The following PLCB3 variants were observed in gnomAD, a reference collection of about 807,000 sequenced individuals.
PLCB3 encodes phospholipase C beta 3.
PLCB3 carries 54 observed loss-of-function variants against 152.1 expected under a neutral mutation model. The observed-to-expected ratio is 0.36, with a 90% CI of 0.29 to 0.45. PLCB3 has a LOEUF of 0.45. Among genes scored for constraint, PLCB3 ranks in the 20% least tolerant of loss-of-function variants. PLCB3 has a pLI of 1.00. For synonymous variants in PLCB3, 717 were observed against 698.7 expected, an observed-to-expected ratio of 1.03 and a Z score of -0.41; for missense variants, 1,248 against 1,687.5, an observed-to-expected ratio of 0.74 and a Z score of 4.56.
downstream of PLCB3, chr11:64,268,832 CTTCTT>C (rs2032275734): frequency 6.6e-6 from 1 of 152,312 alleles, no homozygotes; most frequent in African/African-American, 2.4e-5. Flanking sequence ...AATTGAGTAT[CTTCTT>C]TGCTTTGTTT....
At chr11:64,265,573 T>C (rs1372688636) in intron 25 of PLCB3, 71 bp downstream of exon 25, 22 of 1,500,706 alleles carry the variant, frequency 1.5e-5, no homozygotes, top group Non-Finnish European at 2.0e-5. Flanking sequence ...TCGGTGGGCA[T>C]GGAGAGATGG....
Position 64,267,780 on chromosome 11 carries a change from A to G in PLCB3, c.*224A>G. ...CTTGGTCAGGGCTTTGCTCCCTGTG[A>G]CACCCACACCCTCGAGCTAGCAGCG... On this transcript the variant is annotated 3_prime_UTR_variant, in exon 31 of 31. Coordinates refer to ENST00000279230, the MANE Select transcript of PLCB3 (RefSeq NM_000932.5). The surrounding 1 kb of genome is among the most constrained non-coding windows in gnomAD (Gnocchi z 5.2). 2.0e-6 allele frequency: 1 copy of G among 490,708 alleles called. No homozygotes were observed. Among genetic ancestry groups the G allele is most frequent in the African/African-American group, 2.0e-5 (1 of 49,366 alleles). The allele number at this position is 490,708 out of a possible 1,614,324, so 30.4% of individuals were successfully genotyped here. A position where few individuals can be genotyped will look rare whatever the true frequency, so the allele number is the denominator to read the frequency against.
chr11:64,260,464 T>C (rs1284148262), intron 14 of PLCB3, among the ~76,000 whole-genome samples: 2 of 151,762 alleles, frequency 1.3e-5, no homozygotes, highest in East Asian at 1.9e-4. Flanking sequence ...TGGCAGAGGA[T>C]AGGGAGTCTA....
At chr11:64,261,737 C>T in intron 16 of PLCB3, 72 bp downstream of exon 16, 1 of 1,458,534 alleles carries the variant, frequency 6.9e-7, no homozygotes. Flanking sequence ...GTGTTCTGTC[C>T]CCACATATGC....
chr11:64,259,953 C>T, intron 13 of PLCB3, 76 bp from the exon 14 acceptor site: 1 of 1,271,186 alleles, frequency 7.9e-7, no homozygotes, highest in African/African-American at 1.5e-5. Context: ...TCGGCACACA[C>T]TGGGAAAAAC....
chr11:64,251,728 A>G lies in PLCB3; in HGVS notation c.79A>G (p.Lys27Glu). 2.0e-6 allele frequency: 3 copies of G among 1,470,426 alleles called. No individual in the cohort carries two copies. The highest frequency in any genetic ancestry group is 2.7e-6 in the Non-Finnish European group (3 of 1,106,192). 91.1% of individuals were successfully genotyped at this position (1,470,426 alleles called of 1,614,324 possible). Reference protein sequence around the residue: ...TVVETLRRGSKFIKWDEETSS... With the variant: ...TVVETLRRGSEFIKWDEETSS... Reference sequence around the variant, plus strand: ...GGTGGAGACCCTGCGGCGCGGGAGTAAGTTCATCAAATGGGACGAGGTAAG... The same window carrying G: ...GGTGGAGACCCTGCGGCGCGGGAGTGAGTTCATCAAATGGGACGAGGTAAG... Residue 27 changes from lysine to glutamate, a missense_variant, in exon 1 of 31, where the codon AAG becomes GAG. Lys to Glu is a moderately conservative substitution (Grantham distance 56, BLOSUM62 1). Around this residue, in one of 6 missense-constraint regions of PLCB3, gnomAD observed 299 missense variants for 434.7 expected, o/e 0.69. Coordinates refer to ENST00000279230, the MANE Select transcript of PLCB3 (RefSeq NM_000932.5).
chr11:64,251,567 G>T lies in PLCB3; in HGVS notation c.-83G>T, dbSNP rs1330217848. On this transcript the variant is annotated 5_prime_UTR_variant, in exon 1 of 31. Transcript: ENST00000279230. ...GGGCGGGCACTGACGCCGCGGGGCC[G>T]GAGCGGGCCGCGCGGTGGGAGCAGC... The T allele has an allele frequency of 3.9e-6, 2 of 515,762 alleles. No individual in the cohort carries two copies. Among genetic ancestry groups the T allele is most frequent in the Non-Finnish European group, 5.7e-6 (2 of 353,578 alleles). 31.9% of individuals were successfully genotyped at this position (515,762 alleles called of 1,614,324 possible).
chr11:64,263,799 A>G lies in PLCB3; in HGVS notation c.2560+4A>G. The G allele has an allele frequency of 6.2e-7, 1 of 1,607,690 alleles. No individual in the cohort carries two copies. The highest frequency in any genetic ancestry group is 8.5e-7 in the Non-Finnish European group (1 of 1,175,258). On this transcript the variant is annotated splice_donor_region_variant and intron_variant, in intron 21 of 30. Coordinates refer to ENST00000279230, the MANE Select transcript of PLCB3 (RefSeq NM_000932.5). ...TACATTCCTGACGACCACCAGGGTGAGCTGGGGGTGGGCGGGGCCTGCCTG... is the reference window on the plus strand; with the variant it reads ...TACATTCCTGACGACCACCAGGGTGGGCTGGGGGTGGGCGGGGCCTGCCTG...
At chr11:64,261,312 G>C in intron 14 of PLCB3, 88 bp from the exon 15 acceptor site, 1 of 938,692 alleles carries the variant, frequency 1.1e-6, no homozygotes, top group Non-Finnish European at 1.8e-6. Context: ...GCTGGGAAGA[G>C]GGTCAGCACC....
chr11:64,260,297 T>A, intron 14 of PLCB3, 63 bp downstream of exon 14: 1 of 1,232,330 alleles, frequency 8.1e-7, no homozygotes, highest in Non-Finnish European at 1.1e-6. Flanking sequence ...GGGGGCTGGG[T>A]CTGACCATCA....
chr11:64,263,669 C>G, intron 20 of PLCB3, 22 bp from the exon 21 acceptor site: 1 of 1,609,646 alleles, frequency 6.2e-7, no homozygotes, highest in South Asian at 1.1e-5. Flanking sequence ...AGCAACCCAA[C>G]GTTGCCTTCC....
At chr11:64,257,406 C>T (rs896224944) in intron 10 of PLCB3, among the ~76,000 whole-genome samples, 13 of 152,038 alleles carry the variant, frequency 8.6e-5, no homozygotes, top group African/African-American at 2.7e-4. Context: ...CTTGAGCCCA[C>T]GTTTTGAGAC....
chr11:64,262,547 G>A lies in PLCB3; in HGVS notation c.2179G>A (p.Ala727Thr), dbSNP rs2031908757. 15 of 1,613,716 alleles carry A rather than the reference G, an allele frequency of 9.3e-6. No individual in the cohort carries two copies. The highest frequency in any genetic ancestry group is 1.3e-5 in the Non-Finnish European group (15 of 1,179,898). The change falls in exon 18 of 31, where the codon GCC becomes ACC. Residue 727 changes from alanine to threonine, a missense_variant. Around this residue, in one of 6 missense-constraint regions of PLCB3, gnomAD observed 244 missense variants for 424.4 expected, o/e 0.57. Transcript: ENST00000279230. Reference protein sequence around the residue: ...EVIVDGIVANALRVKVISGQF... With the variant: ...EVIVDGIVANTLRVKVISGQF... ...CATCGTGGATGGCATCGTGGCCAAT[G>A]CCTTGCGGGTCAAGGTGGGGCTTGC... is the stretch of plus-strand genomic sequence containing the variant.
At position 64,254,908 on chromosome 11, in the gene PLCB3, T is replaced by C. The variant is rs2135040575; in HGVS notation, c.257T>C (p.Ile86Thr). ...CTGTCACCTACTCAGGACCCCAAGA[T>C]CCGGGAAGTTCTGGGCTTTGGGGGT... Reference protein sequence around the residue: ...RYARLPKDPKIREVLGFGGPD... With the variant: ...RYARLPKDPKTREVLGFGGPD... The change falls in exon 4 of 31, where the codon ATC becomes ACC. Residue 86 changes from isoleucine to threonine, a missense_variant. Ile to Thr is a moderately conservative substitution (Grantham distance 89). Transcript: ENST00000279230. 1 of 1,606,642 alleles carries C rather than the reference T, an allele frequency of 6.2e-7. No individual in the cohort carries two copies. Among genetic ancestry groups the C allele is most frequent in the East Asian group, 2.2e-5 (1 of 44,738 alleles).
intron 10 of PLCB3, among the ~76,000 whole-genome samples, chr11:64,257,089 C>G (rs887618792): frequency 6.7e-6 from 1 of 148,512 alleles, no homozygotes; most frequent in African/African-American, 2.5e-5. Flanking sequence ...AGCGCAACCT[C>G]TGCCTCCCAG....
intron 19 of PLCB3, 117 bp from the exon 20 acceptor site, chr11:64,263,381 A>T: frequency 1.6e-6 from 1 of 643,506 alleles, no homozygotes; most frequent in South Asian, 1.9e-5. Flanking sequence ...GATGGTCAGT[A>T]GGTCAGCTCG....
intron 1 of PLCB3, among the ~76,000 whole-genome samples, chr11:64,253,312 C>T (rs7110262): frequency 0.082 from 12,536 of 152,188 alleles, 1,291 homozygotes; most frequent in African/African-American, 0.24. Context: ...GGGCAGGCTA[C>T]GAAGTGTCCC....
chr11:64,268,146 T>A (rs981423548), downstream of PLCB3, among the ~76,000 whole-genome samples: 3 of 152,170 alleles, frequency 2.0e-5, no homozygotes, highest in African/African-American at 7.2e-5. Flanking sequence ...CCCATGACTT[T>A]CGTCTCTCCG....
rs146327074 is a variant in PLCB3, at chr11:64,267,488, G to A, written c.3637G>A (p.Ala1213Thr). Residue 1213 changes from alanine to threonine, a missense_variant, in exon 31 of 31, where the codon GCA (alanine) becomes ACA (threonine). Physicochemically the swap from Ala to Thr is moderately conservative, Grantham distance 58. This residue lies in a region of PLCB3 where 477 missense variants were observed against 489.6 expected (regional missense o/e 0.97). Transcript: ENST00000279230. This position sits in a 1 kb window ranked among gnomAD's most constrained non-coding sequence, Gnocchi z 5.2. ...GGTGGCCTGTGCCAGCAACGGTCAC[G>A]CACCCGGGAGCAGCGGGCACCTGTC... ...PLVACASNGH[A>T]PGSSGHLSGA... is the part of the protein sequence containing the mutation. The A allele has an allele frequency of 2.7e-3, 4,249 of 1,567,604 alleles. 11 individuals are homozygous for A. The highest frequency in any genetic ancestry group is 3.4e-3 in the Non-Finnish European group (3,982 of 1,160,940).
Sources: gnomAD v4.1 joint callset for allele counts (sites outside exome capture counted in the v4.1 genomes callset) on GRCh38, gnomAD v4.1.1 for gene constraint, gnomAD v4.1.1 regional missense constraint, Gnocchi (gnomAD v3.1) non-coding constraint, MANE v1.5 for transcripts, NCBI Gene and HGNC (gene_info 2026-07-23, HGNC 2026-07-21) for gene names.